The following BCAR1 variants were observed in gnomAD, a reference collection of about 807,000 sequenced individuals.
BCAR1 encodes the protein breast cancer anti-estrogen resistance protein 1.
BCAR1 carries 30 observed loss-of-function variants against 67.6 expected under a neutral mutation model. The observed-to-expected ratio is 0.44, with a 90% CI of 0.33 to 0.60. The LOEUF is 0.60. BCAR1 is among the 20% of genes least tolerant of loss of function. The probability of loss-of-function intolerance (pLI) is 0.02; values close to 1 mark genes in which losing one functional copy is unlikely to be tolerated. For missense variants in BCAR1, 1,313 were observed against 1,222.3 expected, an observed-to-expected ratio of 1.07 and a Z score of -1.11; for synonymous variants, 626 against 556.7, an observed-to-expected ratio of 1.12 and a Z score of -1.75.
At chr16:75,264,640 G>T (rs1365667374) in intron 1 of BCAR1, 1 of 1,262,508 alleles carries the variant, frequency 7.9e-7, no homozygotes, top group South Asian at 3.5e-5. Context: ...GAGCAGGAGC[G>T]GGCTCTTTAA....
chr16:75,257,671 T>A (rs752460453), intron 1 of BCAR1, among the ~76,000 whole-genome samples: 8 of 152,048 alleles, frequency 5.3e-5, no homozygotes, highest in Non-Finnish European at 1.0e-4. Context: ...CCCAGGCTCG[T>A]CTCCAACTCC....
upstream of BCAR1, chr16:75,252,320 G>A (rs2077699160): frequency 2.6e-6 from 4 of 1,536,172 alleles, no homozygotes; most frequent in South Asian, 4.8e-5. Context: ...CCTAGGTTCA[G>A]CCTAAAACCT....
intron 1 of BCAR1, among the ~76,000 whole-genome samples, chr16:75,261,335 C>T (rs2077904120): frequency 2.0e-5 from 3 of 152,210 alleles, no homozygotes; most frequent in African/African-American, 7.2e-5. Context: ...ACCAGGGCAC[C>T]AGTGGTAGGA....
At chr16:75,234,100 C>CACACACACACACAAGCACACGTGA in intron 5 of BCAR1, among the ~76,000 whole-genome samples, 165 bp from the exon 6 acceptor site, 1 of 148,884 alleles carries the variant, frequency 6.7e-6, no homozygotes, top group Non-Finnish European at 1.5e-5. Context: ...CACGTGGACA[C>CACACACACACACAAGCACACGTGA]ACACACACAC....
rs1597193255 is a variant in BCAR1 at position 75,236,744 on chromosome 16, TCCAGAA to T, written c.912+132_912+137del. 15 of 1,376,090 alleles carry T rather than the reference TCCAGAA, an allele frequency of 1.1e-5. No individual in the cohort carries two copies. In the East Asian group the frequency reaches 4.1e-4, roughly 37 times the overall value. 85.2% of individuals were successfully genotyped at this position (1,376,090 alleles called of 1,614,324 possible). ...GCTTGATTTCCTCATCTGTCAACCATCCAGAACCAGGGTCTGGAGCCAGTCTCTTCC... is the reference window on the plus strand; with the variant it reads ...GCTTGATTTCCTCATCTGTCAACCATCCAGGGTCTGGAGCCAGTCTCTTCC... On this transcript the variant is annotated intron_variant, in intron 4 of 6. Transcript: ENST00000162330.
chr16:75,250,859 G>T, intron 1 of BCAR1: 2 of 985,470 alleles, frequency 2.0e-6, no homozygotes, highest in Non-Finnish European at 2.4e-6. Flanking sequence ...ACCGGCGCTC[G>T]GCGTGCGGGG....
upstream of BCAR1, among the ~76,000 whole-genome samples, chr16:75,255,073 G>T (rs1226711100): frequency 6.6e-6 from 1 of 152,230 alleles, no homozygotes; most frequent in African/African-American, 2.4e-5. Flanking sequence ...AATTCTAGGG[G>T]ACCGGTGAGA....
intron 2 of BCAR1, chr16:75,238,632 C>G (rs2077224577): frequency 1.0e-6 from 1 of 986,138 alleles, no homozygotes; most frequent in Admixed American, 6.1e-5. Flanking sequence ...CACTAGGTCT[C>G]CAGCACGCCT....
At chr16:75,230,130 C>CA (rs1458465118) in intron 6 of BCAR1, 107 bp from the exon 7 acceptor site, 4 of 1,374,054 alleles carry the variant, frequency 2.9e-6, no homozygotes, top group South Asian at 1.5e-5. Flanking sequence ...GGCCGCTACT[C>CA]AGAGTGCATG....
intron 1 of BCAR1, chr16:75,263,977 G>T (rs34658224): frequency 0.015 from 17,238 of 1,169,554 alleles, 169 homozygotes; most frequent in South Asian, 0.031. Flanking sequence ...AGCCACGTAG[G>T]GGGCAGATGG....
intron 1 of BCAR1, chr16:75,263,379 C>A (rs2077945661): frequency 2.0e-6 from 2 of 985,422 alleles, no homozygotes; most frequent in Non-Finnish European, 2.4e-6. Flanking sequence ...AAGAGTCAGG[C>A]CCAGAGCGCT....
At chr16:75,253,095 C>T (rs1380958257), upstream of BCAR1, among the ~76,000 whole-genome samples, 2 of 152,234 alleles carry the variant, frequency 1.3e-5, no homozygotes, top group African/African-American at 4.8e-5. Context: ...AGCCAACACC[C>T]TGTGCCTCCC....
intron 6 of BCAR1, among the ~76,000 whole-genome samples, chr16:75,233,590 G>A (rs1597166483): frequency 6.6e-6 from 1 of 152,342 alleles, no homozygotes; most frequent in Middle Eastern, 3.4e-3. Context: ...GCAGCTGTGA[G>A]GGGTCTATTT....
At chr16:75,243,680 G>A (rs760878011) in intron 1 of BCAR1, among the ~76,000 whole-genome samples, 6 of 152,178 alleles carry the variant, frequency 3.9e-5, no homozygotes, top group African/African-American at 7.2e-5. Flanking sequence ...TGGCCCCGTC[G>A]CCCTCAGCAA....
intron 1 of BCAR1, chr16:75,250,075 G>A: frequency 6.6e-6 from 1 of 152,346 alleles, no homozygotes; most frequent in East Asian, 1.9e-4. Context: ...GCCTAGACCT[G>A]GGGCCATGGT....
chr16:75,241,571 G>C (rs543426614), intron 2 of BCAR1, among the ~76,000 whole-genome samples: 1 of 152,206 alleles, frequency 6.6e-6, no homozygotes, highest in Non-Finnish European at 1.5e-5. Context: ...GGAGCAGGTA[G>C]AGCAGGAAGT....
chr16:75,252,558 GCA>G (rs1296124913), upstream of BCAR1, among the ~76,000 whole-genome samples: 1 of 151,804 alleles, frequency 6.6e-6, no homozygotes, highest in African/African-American at 2.4e-5. Flanking sequence ...GGCCAGGGAG[GCA>G]CAATCTGCAG....
chr16:75,234,656 C>G (rs113754353), intron 5 of BCAR1, among the ~76,000 whole-genome samples: 6 of 152,244 alleles, frequency 3.9e-5, no homozygotes, highest in African/African-American at 1.4e-4. Context: ...CCACACAGAA[C>G]AGCAGAGTCA....
chr16:75,243,219 C>T lies in BCAR1; in HGVS notation c.13-129G>A, dbSNP rs536353734. 6.3e-4 allele frequency: 643 copies of T among 1,015,606 alleles called. 1 individual carries two copies. The highest frequency in any genetic ancestry group is 2.1e-3 in the South Asian group (127 of 59,858). 62.9% of individuals were successfully genotyped at this position (1,015,606 alleles called of 1,614,324 possible). A position where few individuals can be genotyped will look rare whatever the true frequency, so the allele number is the denominator to read the frequency against. On this transcript the variant is annotated intron_variant, in intron 1 of 6. Coordinates refer to ENST00000162330, the MANE Select transcript of BCAR1 (RefSeq NM_014567.5). Reference sequence around the variant, plus strand: ...AGGAAAAGAACTCAGTGGAGTTTGGCGAGATCATTGTGCCTTTGCCTCCAC... The same window carrying T: ...AGGAAAAGAACTCAGTGGAGTTTGGTGAGATCATTGTGCCTTTGCCTCCAC...
Sources: allele counts gnomAD v4.1 joint callset (sites outside exome capture counted in the v4.1 genomes callset), GRCh38; gene constraint gnomAD v4.1.1; transcripts MANE v1.5; gene names NCBI Gene and HGNC (gene_info 2026-07-23, HGNC 2026-07-21).